The following NCALD variants were observed in gnomAD, a reference collection of about 807,000 sequenced individuals.
NCALD encodes the protein neurocalcin-delta.
NCALD carries 10 observed loss-of-function variants against 18.6 expected under a neutral mutation model. The ratio of observed to expected loss-of-function variants is 0.54; its 90% CI spans 0.33 to 0.91. The LOEUF (loss-of-function observed/expected upper bound fraction) is 0.91, where lower values mean the gene tolerates loss of function less well. Among genes scored for constraint, NCALD ranks in the 40% least tolerant of loss-of-function variants. The pLI is 0.03. For synonymous variants in NCALD, 88 were observed against 87.4 expected (o/e 1.01, Z -0.04); for missense variants, 184 against 247.6 (o/e 0.74, Z 1.72).
intron 4 of NCALD, among the ~76,000 whole-genome samples, chr8:101,845,335 T>C (rs1359942874): frequency 1.3e-5 from 2 of 152,176 alleles, no homozygotes; most frequent in Non-Finnish European, 2.9e-5. Context: ...GGAGGAGCCC[T>C]GGGCCAGAGG....
chr8:101,828,733 C>T (rs1814045950), intron 4 of NCALD, among the ~76,000 whole-genome samples: 1 of 152,074 alleles, frequency 6.6e-6, no homozygotes, highest in Admixed American at 6.6e-5. Context: ...TCCCAGGTAG[C>T]TGGGATTACA....
chr8:101,872,055 C>G, intron 4 of NCALD: 1 of 1,382,660 alleles, frequency 7.2e-7, no homozygotes, highest in Admixed American at 1.7e-5. Flanking sequence ...AAACAAATAC[C>G]ATGGGCAGAT....
At chr8:101,948,500 T>TC (rs1201264792) in intron 2 of NCALD, among the ~76,000 whole-genome samples, 1 of 152,164 alleles carries the variant, frequency 6.6e-6, no homozygotes, top group African/African-American at 2.4e-5. Context: ...AGTTGAATAA[T>TC]CCCTCTGGGA....
intron 2 of NCALD, among the ~76,000 whole-genome samples, chr8:101,992,864 T>C (rs554244911): frequency 6.6e-6 from 1 of 151,898 alleles, no homozygotes; most frequent in Non-Finnish European, 1.5e-5. Context: ...CTGAGCAATG[T>C]GCTGAGTGAT....
At chr8:102,042,703 G>T (rs1263620151) in intron 1 of NCALD, among the ~76,000 whole-genome samples, 1 of 130,584 alleles carries the variant, frequency 7.7e-6, no homozygotes, top group Non-Finnish European at 1.6e-5. Context: ...GGTGAAGAAG[G>T]AATCAGTGAA....
chr8:101,893,383 C>T (rs1816997970), intron 3 of NCALD, among the ~76,000 whole-genome samples: 2 of 151,126 alleles, frequency 1.3e-5, no homozygotes, highest in Non-Finnish European at 1.5e-5. Flanking sequence ...TGGAAAGGAA[C>T]AACCAGTACC....
chr8:101,893,274 G>A (rs1407061420), intron 3 of NCALD, among the ~76,000 whole-genome samples: 1 of 151,254 alleles, frequency 6.6e-6, no homozygotes, highest in South Asian at 2.1e-4. Context: ...AGCTTCATAA[G>A]TGAAGGAGAA....
At chr8:101,958,737 C>G (rs991443071) in intron 2 of NCALD, among the ~76,000 whole-genome samples, 1 of 152,094 alleles carries the variant, frequency 6.6e-6, no homozygotes, top group African/African-American at 2.4e-5. Context: ...GGATTTGAAC[C>G]TGGATACCTG....
chr8:102,043,639 A>G (rs1445344586), intron 1 of NCALD, among the ~76,000 whole-genome samples: 2 of 151,072 alleles, frequency 1.3e-5, no homozygotes, highest in Non-Finnish European at 2.9e-5. Flanking sequence ...TCCATTACAG[A>G]CAGGAAATGA....
At chr8:101,886,559 C>G (rs767821467) in intron 4 of NCALD, among the ~76,000 whole-genome samples, 2 of 152,136 alleles carry the variant, frequency 1.3e-5, no homozygotes, top group Non-Finnish European at 2.9e-5. Context: ...AGCCAATTTC[C>G]TAACTGTTCA....
At chr8:101,691,015 T>C in intron 3 of NCALD, 4 of 985,430 alleles carry the variant, frequency 4.1e-6, no homozygotes, top group Non-Finnish European at 4.8e-6. Context: ...AGATTTTTCT[T>C]TTCAAATCGG....
intron 1 of NCALD, among the ~76,000 whole-genome samples, chr8:102,047,902 A>AT (rs1823305559): frequency 6.6e-6 from 1 of 152,162 alleles, no homozygotes; most frequent in African/African-American, 2.4e-5. Flanking sequence ...ATATGATGCT[A>AT]TTTTTACATT....
intron 1 of NCALD, among the ~76,000 whole-genome samples, chr8:102,089,880 T>A (rs569028005): frequency 1.1e-4 from 16 of 152,346 alleles, no homozygotes; most frequent in African/African-American, 3.8e-4. Context: ...TTCTGTAAAT[T>A]AAACATTGGA....
intron 2 of NCALD, among the ~76,000 whole-genome samples, chr8:101,980,820 T>C (rs555688034): frequency 6.6e-6 from 1 of 152,360 alleles, no homozygotes; most frequent in Admixed American, 6.5e-5. Flanking sequence ...CCAGATTGCA[T>C]AGCCATGAAG....
At chr8:101,959,705 T>C (rs1403339287) in intron 2 of NCALD, among the ~76,000 whole-genome samples, 2 of 152,150 alleles carry the variant, frequency 1.3e-5, no homozygotes, top group Non-Finnish European at 2.9e-5. Flanking sequence ...CAACATGTTG[T>C]TGCAGGCTCA....
chr8:101,911,347 CTTTTT>C (rs923592706), intron 3 of NCALD, among the ~76,000 whole-genome samples: 1 of 144,876 alleles, frequency 6.9e-6, no homozygotes, highest in Non-Finnish European at 1.5e-5. Flanking sequence ...TTTCTCTTTT[CTTTTT>C]TTTCTTTTCT....
At chr8:101,704,597 C>G (rs1815419381) in intron 2 of NCALD, among the ~76,000 whole-genome samples, 3 of 152,106 alleles carry the variant, frequency 2.0e-5, no homozygotes, top group Admixed American at 2.0e-4. Context: ...TGTTGTATGC[C>G]TCGTTAAGAA....
At position 102,104,101 on chromosome 8, in the gene NCALD, G is replaced by T. The variant is rs113436565; in HGVS notation, c.-210+20136C>A. ...GTAGCCTCAAACTATATCCGCACGC[G>T]TGAAGACTTGCTGGTTTAACCTCCA... On this transcript the variant is annotated intron_variant, in intron 1 of 6. Transcript: ENST00000311028. 4.5e-4 allele frequency among the ~76,000 whole-genome samples: 68 copies of T among 152,284 alleles called. 1 individual carries two copies. The highest frequency in any genetic ancestry group is 7.9e-4 in the Non-Finnish European group (54 of 68,034).
intron 2 of NCALD, among the ~76,000 whole-genome samples, chr8:101,985,149 T>A (rs118137153): frequency 0.01 from 1,572 of 152,264 alleles, 72 homozygotes; most frequent in East Asian, 0.095. Flanking sequence ...CCATGCTGCG[T>A]GGAAGCCAAC....
Sources: gnomAD v4.1 joint callset for allele counts (sites outside exome capture counted in the v4.1 genomes callset) on GRCh38, gnomAD v4.1.1 for gene constraint, MANE v1.5 for transcripts, NCBI Gene and HGNC (gene_info 2026-07-23, HGNC 2026-07-21) for gene names.